The following SWT1 variants were observed in gnomAD, a reference collection of about 807,000 sequenced individuals.
The protein encoded by SWT1 is SWT1 RNA endoribonuclease homolog.
A neutral mutation model predicts 107.3 loss-of-function variants in SWT1; 33 were observed. That is an observed-to-expected ratio of 0.31 (90% confidence interval 0.23 to 0.41). The LOEUF is 0.41. Among genes scored for constraint, SWT1 ranks in the 10% least tolerant of loss-of-function variants. The pLI is 1.00. For missense variants in SWT1, 898 were observed against 1,028.9 expected (o/e 0.87, Z 1.74); for synonymous variants, 345 against 348.3 (o/e 0.99, Z 0.11).
At chr1:185,207,780 A>T (rs1238190758) in intron 13 of SWT1, among the ~76,000 whole-genome samples, 1 of 152,116 alleles carries the variant, frequency 6.6e-6, no homozygotes, top group African/African-American at 2.4e-5. Context: ...GCATGCCTGT[A>T]GACCCAGCTA....
At chr1:185,285,450 T>A (rs1362151218) in intron 18 of SWT1, among the ~76,000 whole-genome samples, 1 of 152,206 alleles carries the variant, frequency 6.6e-6, no homozygotes, top group Non-Finnish European at 1.5e-5. Flanking sequence ...ATTAGACCCT[T>A]ATCAGATACA....
At chr1:185,226,732 CT>C (rs35307844) in intron 15 of SWT1, 133,883 of 373,516 alleles carry the variant, frequency 0.36, 11,635 homozygotes, top group African/African-American at 0.53. Flanking sequence ...GCTTCTGAGA[CT>C]TTTTTTTTTT....
chr1:185,273,088 G>A (rs538041069), intron 17 of SWT1, among the ~76,000 whole-genome samples: 3 of 151,944 alleles, frequency 2.0e-5, no homozygotes, highest in Non-Finnish European at 4.4e-5. Flanking sequence ...AATGAATGGT[G>A]TTTATATGGG....
intron 16 of SWT1, chr1:185,257,880 T>C (rs1233206586): frequency 2.6e-5 from 4 of 152,252 alleles, no homozygotes; most frequent in African/African-American, 9.6e-5. Flanking sequence ...AAATCTTTCC[T>C]CTTGTTTTTG....
Position 185,231,704 on chromosome 1 carries a change from C to A in SWT1, c.2437C>A (p.Gln813Lys). ...AAVRDILEGI[Q>K]RILAPNSNYQ... Reference sequence around the variant, plus strand: ...TGTGAGGGATATTCTTGAAGGAATTCAAAGGTAAACACTATATTAATTTTA... The same window carrying A: ...TGTGAGGGATATTCTTGAAGGAATTAAAAGGTAAACACTATATTAATTTTA... The change falls in exon 16 of 19, where the codon CAA (glutamine) becomes AAA (lysine). Residue 813 changes from glutamine to lysine, a missense_variant. Physicochemically the swap from Gln to Lys is moderately conservative, Grantham distance 53. Coordinates refer to ENST00000367500, the MANE Select transcript of SWT1 (RefSeq NM_017673.7). 6.2e-7 allele frequency: 1 copy of A among 1,600,528 alleles called. No individual in the cohort carries two copies. Among genetic ancestry groups the A allele is most frequent in the Non-Finnish European group, 8.5e-7 (1 of 1,169,912 alleles).
chr1:185,254,814 T>G (rs1351338097), intron 16 of SWT1, among the ~76,000 whole-genome samples: 1 of 151,118 alleles, frequency 6.6e-6, no homozygotes, highest in Non-Finnish European at 1.5e-5. Flanking sequence ...TTTCTTGCCT[T>G]CTGCTAGCTT....
chr1:185,200,085 T>C (rs1482656745), intron 10 of SWT1, among the ~76,000 whole-genome samples: 2 of 152,176 alleles, frequency 1.3e-5, no homozygotes, highest in South Asian at 2.1e-4. Flanking sequence ...GCTGTTTTTT[T>C]CAGCTCCATT....
At chr1:185,231,734 G>A in intron 16 of SWT1, 26 bp downstream of exon 16, 1 of 1,555,264 alleles carries the variant, frequency 6.4e-7, no homozygotes, top group Non-Finnish European at 8.8e-7. Flanking sequence ...ATTTTAAAGT[G>A]TTATTTACTT....
chr1:185,171,735 A>ATT (rs368209579), intron 4 of SWT1: 11 of 405,430 alleles, frequency 2.7e-5, no homozygotes, highest in East Asian at 6.9e-5. Context: ...CAGAAAGGGC[A>ATT]TTTTTTTTTT....
intron 18 of SWT1, chr1:185,281,131 G>T: frequency 4.0e-6 from 1 of 251,976 alleles, no homozygotes; most frequent in Non-Finnish European, 7.9e-6. Flanking sequence ...GCCAGAGAAA[G>T]AATATTTGGG....
At chr1:185,282,158 C>T (rs898628505) in intron 18 of SWT1, among the ~76,000 whole-genome samples, 2 of 152,170 alleles carry the variant, frequency 1.3e-5, no homozygotes, top group African/African-American at 2.4e-5. Flanking sequence ...GTAAAAGACT[C>T]TTGGGGTCTA....
At chr1:185,257,869 A>G (rs1662723784) in intron 16 of SWT1, 1 of 152,250 alleles carries the variant, frequency 6.6e-6, no homozygotes, top group South Asian at 2.1e-4. Context: ...TATCATTTAA[A>G]AAATCTTTCC....
chr1:185,279,416 T>G (rs1664474590), intron 18 of SWT1, among the ~76,000 whole-genome samples: 1 of 152,164 alleles, frequency 6.6e-6, no homozygotes, highest in African/African-American at 2.4e-5. Context: ...ACTATTTTTT[T>G]TCTTTGTTTT....
Position 185,174,634 on chromosome 1 carries a change from A to C in SWT1, c.487A>C (p.Lys163Gln). The change falls in exon 5 of 19, where the codon AAA becomes CAA. Residue 163 changes from lysine to glutamine, a missense_variant. Coordinates refer to ENST00000367500, the MANE Select transcript of SWT1 (RefSeq NM_017673.7). ...SPKIASDVKP[K>Q]AEGQASENKW... ...TAAGATTGCCAGTGATGTGAAACCT[A>C]AAGCCGAAGGCCAGGCAAGTGAAAA... 6.2e-7 allele frequency: 1 copy of C among 1,613,106 alleles called. No homozygotes were observed. Among genetic ancestry groups the C allele is most frequent in the Non-Finnish European group, 8.5e-7 (1 of 1,179,822 alleles).
At chr1:185,266,125 G>A (rs1211049885) in intron 16 of SWT1, among the ~76,000 whole-genome samples, 2 of 151,876 alleles carry the variant, frequency 1.3e-5, no homozygotes, top group Admixed American at 1.3e-4. Flanking sequence ...GTGCAGTGGC[G>A]CCATCTTGGC....
chr1:185,269,373 G>GTTTTTTTT (rs59417358), intron 16 of SWT1, among the ~76,000 whole-genome samples: 2 of 125,342 alleles, frequency 1.6e-5, no homozygotes, highest in Non-Finnish European at 3.4e-5. Context: ...AGAGGTTTTT[G>GTTTTTTTT]TTTTTTTTTT....
chr1:185,281,974 A>T (rs747195471), intron 18 of SWT1, among the ~76,000 whole-genome samples: 48 of 152,220 alleles, frequency 3.2e-4, no homozygotes, highest in Non-Finnish European at 5.4e-4. Flanking sequence ...CATGGAAGCA[A>T]ATGGATAGAG....
chr1:185,203,352 A>C (rs117805872), intron 11 of SWT1, among the ~76,000 whole-genome samples: 7 of 152,194 alleles, frequency 4.6e-5, no homozygotes, highest in African/African-American at 1.7e-4. Flanking sequence ...GGCCGGGTGC[A>C]CTGGCTTACG....
At chr1:185,170,858 AAAG>A (rs1654992203) in intron 4 of SWT1, among the ~76,000 whole-genome samples, 1 of 152,174 alleles carries the variant, frequency 6.6e-6, no homozygotes, top group Admixed American at 6.5e-5. Context: ...TATAATAAAA[AAAG>A]AAAGATGAAG....
Sources: gnomAD v4.1 joint callset for allele counts (sites outside exome capture counted in the v4.1 genomes callset) on GRCh38, gnomAD v4.1.1 for gene constraint, MANE v1.5 for transcripts, NCBI Gene and HGNC (gene_info 2026-07-23, HGNC 2026-07-21) for gene names.